The following FGD3 variants were observed in gnomAD, a reference collection of about 807,000 sequenced individuals.
FGD3 encodes the protein FYVE, RhoGEF and PH domain containing 3, also known as FYVE, RhoGEF and PH domain-containing protein 3.
A neutral mutation model predicts 71.8 loss-of-function variants in FGD3; 45 were observed. The ratio of observed to expected loss-of-function variants is 0.63; its 90% CI spans 0.49 to 0.80. The LOEUF (loss-of-function observed/expected upper bound fraction) is 0.80, where lower values mean the gene tolerates loss of function less well. Among genes scored for constraint, FGD3 ranks in the 30% least tolerant of loss-of-function variants. The pLI, the probability that FGD3 is intolerant of heterozygous loss-of-function variation, is 0.00. For synonymous variants in FGD3, 378 were observed against 392.8 expected (o/e 0.96, Z 0.44); for missense variants, 844 against 951.5 (o/e 0.89, Z 1.49).
chr9:92,979,896 T>G (rs1008426938), intron 3 of FGD3, among the ~76,000 whole-genome samples: 1 of 152,164 alleles, frequency 6.6e-6, no homozygotes, highest in Non-Finnish European at 1.5e-5. Flanking sequence ...TCTTTTTATT[T>G]CTGTGGCACC....
At chr9:92,948,830 C>A (rs1030454713) in intron 1 of FGD3, among the ~76,000 whole-genome samples, 7 of 152,172 alleles carry the variant, frequency 4.6e-5, no homozygotes, top group Admixed American at 4.6e-4. Context: ...GGCCAGCTGG[C>A]TTTGGACACA....
Position 93,003,195 on chromosome 9 carries a change from C to T in FGD3, c.543+181C>T, listed in dbSNP as rs1363243708. Among the ~76,000 whole-genome samples, 2 of 151,896 alleles carry T rather than the reference C, an allele frequency of 1.3e-5. No individual in the cohort carries two copies. The highest frequency in any genetic ancestry group is 2.9e-5 in the Non-Finnish European group (2 of 68,016). On this transcript the variant is annotated intron_variant, in intron 4 of 17. Coordinates refer to ENST00000375482, the MANE Select transcript of FGD3 (RefSeq NM_001083536.2). This position sits in a 1 kb window ranked among gnomAD's most constrained non-coding sequence, Gnocchi z 4.1. ...CCAAGCTGGAGTGCAGTGGCGCGAT[C>T]TTGGCTCACTGCAACCTCCGCCTCT...
chr9:93,021,390 C>A (rs933298738), intron 13 of FGD3, among the ~76,000 whole-genome samples: 1 of 152,126 alleles, frequency 6.6e-6, no homozygotes, highest in Non-Finnish European at 1.5e-5. Context: ...GGCCAATCCC[C>A]GGCCATTTCT....
At chr9:93,028,748 C>T (rs796550134) in intron 14 of FGD3, among the ~76,000 whole-genome samples, 8 of 152,288 alleles carry the variant, frequency 5.3e-5, no homozygotes, top group African/African-American at 1.9e-4. Flanking sequence ...GAAACTGAGG[C>T]TCAGAAAGGA....
chr9:92,992,951 T>C (rs768068556), intron 3 of FGD3, among the ~76,000 whole-genome samples: 3 of 152,180 alleles, frequency 2.0e-5, no homozygotes, highest in Non-Finnish European at 2.9e-5. Flanking sequence ...TGCTATCTGG[T>C]TGGAGGGAGA....
intron 3 of FGD3, among the ~76,000 whole-genome samples, chr9:93,001,331 TTTGA>T (rs1276989458): frequency 4.6e-5 from 7 of 152,224 alleles, no homozygotes; most frequent in African/African-American, 1.7e-4. Flanking sequence ...ATTTTGTTCC[TTTGA>T]TTGGGCTACA....
intron 8 of FGD3, among the ~76,000 whole-genome samples, chr9:93,012,266 T>C (rs1221652674): frequency 6.6e-6 from 1 of 152,192 alleles, no homozygotes; most frequent in Non-Finnish European, 1.5e-5. Context: ...TTTCATTTAA[T>C]TATACAAATC....
chr9:92,988,124 A>G (rs1860259933), intron 3 of FGD3, among the ~76,000 whole-genome samples: 1 of 152,210 alleles, frequency 6.6e-6, no homozygotes, highest in East Asian at 1.9e-4. Context: ...GGGCGGATTT[A>G]TTAGACAAAA....
At chr9:92,966,875 T>C (rs1158003171) in intron 1 of FGD3, among the ~76,000 whole-genome samples, 1 of 152,266 alleles carries the variant, frequency 6.6e-6, no homozygotes, top group Non-Finnish European at 1.5e-5. Context: ...CATGAGAATC[T>C]TCTGCATATG....
At chr9:92,978,770 CT>C (rs1859877780) in intron 3 of FGD3, among the ~76,000 whole-genome samples, 2 of 9,460 alleles carry the variant, frequency 2.1e-4, no homozygotes, top group East Asian at 2.9e-3. Context: ...CTCTCTGCCC[CT>C]CCCCTCCCCT....
chr9:92,996,746 T>C (rs1860661370), intron 3 of FGD3, among the ~76,000 whole-genome samples: 2 of 152,232 alleles, frequency 1.3e-5, no homozygotes, highest in African/African-American at 4.8e-5. Context: ...CCAGTAGTCA[T>C]TCAGGAGCAG....
At chr9:92,958,962 T>C (rs1859115415) in intron 1 of FGD3, among the ~76,000 whole-genome samples, 2 of 152,202 alleles carry the variant, frequency 1.3e-5, no homozygotes, top group Non-Finnish European at 2.9e-5. Flanking sequence ...TTTTATTTTA[T>C]TATTTATTTA....
chr9:92,981,519 T>G (rs1368669281), intron 3 of FGD3, among the ~76,000 whole-genome samples: 1 of 152,212 alleles, frequency 6.6e-6, no homozygotes, highest in African/African-American at 2.4e-5. Context: ...GTGCTGTTTT[T>G]GGGCAGCGTG....
intron 1 of FGD3, among the ~76,000 whole-genome samples, chr9:92,954,866 C>T (rs1382749983): frequency 6.6e-6 from 1 of 152,192 alleles, no homozygotes; most frequent in Non-Finnish European, 1.5e-5. Context: ...CTTGACATTT[C>T]CTCCACCTCT....
chr9:93,015,750 T>A lies in FGD3; in HGVS notation c.1196T>A (p.Ile399Asn). The A allele has an allele frequency of 6.2e-7, 1 of 1,614,142 alleles. No homozygotes were observed. Among genetic ancestry groups the A allele is most frequent in the Non-Finnish European group, 8.5e-7 (1 of 1,180,006 alleles). ...TCCCTCTTGCAGTTCAACAGCATGA[T>A]CCTTTACTGTGTGCCCAAGCTGCGG... Reference protein sequence around the residue: ...DRHLFLFNSMILYCVPKLRLM... With the variant: ...DRHLFLFNSMNLYCVPKLRLM... The change falls in exon 10 of 18, where the codon ATC becomes AAC. Residue 399 changes from isoleucine to asparagine, a missense_variant. By Grantham distance (149) the Ile-to-Asn change is moderately radical. Transcript: ENST00000375482.
intron 1 of FGD3, among the ~76,000 whole-genome samples, chr9:92,956,963 A>C (rs568645244): frequency 6.6e-6 from 1 of 151,324 alleles, no homozygotes; most frequent in South Asian, 2.1e-4. Flanking sequence ...TCAGCCTCTG[A>C]GTAGTTGGGA....
At position 93,023,795 on chromosome 9, in the gene FGD3, C is replaced by CTTTTTTTTTT. The variant is rs569058583; in HGVS notation, c.1557+1423_1557+1432dup. ...ATGACAGGAACCCGCCCATCAGCAA[C>CTTTTTTTTTT]TTTTTTTTTTTTTTTTTTTTTTTTT... On this transcript the variant is annotated intron_variant, in intron 14 of 17. Transcript: ENST00000375482. Among the ~76,000 whole-genome samples, 128 of 107,678 alleles carry CTTTTTTTTTT rather than the reference C, an allele frequency of 1.2e-3. 5 individuals carry two copies. Among genetic ancestry groups the CTTTTTTTTTT allele is most frequent in the South Asian group, 2.4e-3 (8 of 3,298 alleles). The allele number at this position is 107,678 out of a possible 152,430, so 70.6% of individuals were successfully genotyped here. A position where few individuals can be genotyped will look rare whatever the true frequency, so the allele number is the denominator to read the frequency against.
At position 93,022,352 on chromosome 9, in the gene FGD3, C is replaced by T. The variant is rs758717796; in HGVS notation, c.1520C>T (p.Pro507Leu). The change falls in exon 14 of 18, where the codon CCT becomes CTT. Residue 507 changes from proline to leucine, a missense_variant. Physicochemically the swap from Pro to Leu is moderately conservative, Grantham distance 98 (BLOSUM62 -3). Transcript: ENST00000375482. ...MPITSTSPVE[P>L]VVTTEGSSGA... ...ATCACGAGCACCAGCCCTGTGGAGC[C>T]TGTGGTGACCACCGAAGGCAGTTCG... The T allele has an allele frequency of 6.8e-6, 11 of 1,612,622 alleles. No individual in the cohort carries two copies. The South Asian group carries it at 1.1e-4, about 16-fold the overall frequency.
chr9:92,977,977 C>T (rs1587825538), intron 3 of FGD3, among the ~76,000 whole-genome samples: 1 of 152,298 alleles, frequency 6.6e-6, no homozygotes, highest in East Asian at 1.9e-4. Flanking sequence ...ACACACCATA[C>T]ACTTAAAGAA....
Sources: gnomAD v4.1 joint callset for allele counts (sites outside exome capture counted in the v4.1 genomes callset) on GRCh38, gnomAD v4.1.1 for gene constraint, Gnocchi (gnomAD v3.1) non-coding constraint, MANE v1.5 for transcripts, NCBI Gene and HGNC (gene_info 2026-07-23, HGNC 2026-07-21) for gene names.